The following KALRN variants were observed in gnomAD, a reference collection of about 807,000 sequenced individuals.
KALRN encodes kalirin RhoGEF kinase.
In KALRN, 70 loss-of-function variants were observed where a neutral mutation model predicts 353.7. The observed-to-expected ratio is 0.20, with a 90% CI of 0.16 to 0.24. The LOEUF (loss-of-function observed/expected upper bound fraction) is 0.24, where lower values mean the gene tolerates loss of function less well. KALRN is among the 10% of genes least tolerant of loss of function. The pLI is 1.00. For synonymous variants in KALRN, 1,391 were observed against 1,434.8 expected, an observed-to-expected ratio of 0.97 and a Z score of 0.69; for missense variants, 2,791 against 3,756.7, an observed-to-expected ratio of 0.74 and a Z score of 6.72.
chr3:124,640,245 A>G (rs1708317), intron 37 of KALRN, among the ~76,000 whole-genome samples: 35,638 of 150,970 alleles, frequency 0.24, 4,519 homozygotes, highest in East Asian at 0.47. Flanking sequence ...AACCATACAC[A>G]TCATGAGCTG....
rs548812900 is a variant in KALRN, at chr3:124,269,488, C to T, written c.969+233C>T. On this transcript the variant is annotated intron_variant, in intron 5 of 59. Transcript: ENST00000682506. ...ACTCATTTTAATCCTTTCAAGAGTC[C>T]TGAGAGGTAGATGTACTATTATAAT... 5.9e-5 allele frequency among the ~76,000 whole-genome samples: 9 copies of T among 152,114 alleles called. No individual in the cohort carries two copies. The South Asian group carries it at 1.2e-3, about 21-fold the overall frequency.
At chr3:124,146,711 C>G (rs2067380132) in intron 1 of KALRN, among the ~76,000 whole-genome samples, 1 of 151,796 alleles carries the variant, frequency 6.6e-6, no homozygotes, top group Admixed American at 6.6e-5. Flanking sequence ...AACCCCATCT[C>G]TACTAAAAAT....
chr3:124,450,528 A>AGATAAAAG (rs1433926559), intron 21 of KALRN, among the ~76,000 whole-genome samples: 1 of 151,934 alleles, frequency 6.6e-6, no homozygotes, highest in Non-Finnish European at 1.5e-5. Flanking sequence ...TAAACAGTTC[A>AGATAAAAG]GATAAAAGAT....
chr3:124,129,478 T>C (rs1287616248), intron 1 of KALRN, among the ~76,000 whole-genome samples: 1 of 152,048 alleles, frequency 6.6e-6, no homozygotes, highest in East Asian at 1.9e-4. Context: ...TCTTTAAGGG[T>C]GGTATGTTTT....
At chr3:124,223,025 G>C (rs953254690) in intron 1 of KALRN, among the ~76,000 whole-genome samples, 2 of 151,828 alleles carry the variant, frequency 1.3e-5, no homozygotes, top group African/African-American at 2.4e-5. Context: ...GGGTACCAAG[G>C]CTTTAGGACT....
At chr3:124,070,344 G>A (rs1236466946) in intron 1 of KALRN, among the ~76,000 whole-genome samples, 1 of 152,144 alleles carries the variant, frequency 6.6e-6, no homozygotes, top group African/African-American at 2.4e-5. Flanking sequence ...TACTTACCAG[G>A]TCCTTGCAGA....
chr3:124,098,785 T>C (rs2061631243), intron 1 of KALRN, among the ~76,000 whole-genome samples: 1 of 152,218 alleles, frequency 6.6e-6, no homozygotes, highest in South Asian at 2.1e-4. Flanking sequence ...GTCCACTAAT[T>C]TCTTTTATAA....
intron 1 of KALRN, among the ~76,000 whole-genome samples, chr3:124,140,153 C>T (rs1299087804): frequency 6.6e-6 from 1 of 152,140 alleles, no homozygotes; most frequent in Admixed American, 6.5e-5. Flanking sequence ...CAGTAGCCTA[C>T]CCAAATATGG....
intron 1 of KALRN, chr3:124,132,972 T>C (rs1171521701): frequency 6.5e-6 from 1 of 154,106 alleles, no homozygotes. Flanking sequence ...AGGCACTTAG[T>C]AGGTGATAGC....
chr3:124,638,270 T>C (rs1161647502), intron 37 of KALRN, among the ~76,000 whole-genome samples: 2 of 152,038 alleles, frequency 1.3e-5, no homozygotes, highest in Admixed American at 1.3e-4. Flanking sequence ...TCCCAGCATA[T>C]ACTATATGAA....
At chr3:124,270,730 G>A (rs753474168) in intron 5 of KALRN, among the ~76,000 whole-genome samples, 1 of 152,076 alleles carries the variant, frequency 6.6e-6, no homozygotes, top group Non-Finnish European at 1.5e-5. Flanking sequence ...CGAGTGATTA[G>A]ATGCCAAGGC....
chr3:124,698,610 AAC>A (rs2062173001), intron 55 of KALRN, among the ~76,000 whole-genome samples: 1 of 152,216 alleles, frequency 6.6e-6, no homozygotes, highest in Non-Finnish European at 1.5e-5. Context: ...AAAGTTAAGA[AAC>A]ACAAGATTAT....
intron 1 of KALRN, among the ~76,000 whole-genome samples, chr3:124,145,725 T>G (rs2067248788): frequency 6.6e-6 from 1 of 152,242 alleles, no homozygotes; most frequent in African/African-American, 2.4e-5. Flanking sequence ...CTTAAATGTT[T>G]ATCTGGTGAG....
chr3:124,243,968 A>G (rs564218790), intron 3 of KALRN, among the ~76,000 whole-genome samples: 156 of 152,222 alleles, frequency 1.0e-3, no homozygotes, highest in Non-Finnish European at 2.0e-3. Flanking sequence ...AGTTAGGGTT[A>G]GGGTTATGCT....
chr3:124,674,664 A>G lies in KALRN; in HGVS notation c.7193+50A>G, dbSNP rs76050999. On this transcript the variant is annotated intron_variant, in intron 49 of 59. Coordinates refer to ENST00000682506, the MANE Select transcript of KALRN (RefSeq NM_001388419.1). ...GGAGAGGAGTATGAGGATTAAAAAT[A>G]TTCAGAAACAAACAAAAGAACACAA... The G allele has an allele frequency of 4.7e-3, 6,944 of 1,474,600 alleles. 28 individuals carry two copies. Among genetic ancestry groups the G allele is most frequent in the Non-Finnish European group, 4.7e-3 (5,229 of 1,109,430 alleles). 91.3% of individuals were successfully genotyped at this position (1,474,600 alleles called of 1,614,324 possible).
At chr3:124,338,225 G>A (rs950243025) in intron 9 of KALRN, among the ~76,000 whole-genome samples, 2 of 152,076 alleles carry the variant, frequency 1.3e-5, no homozygotes, top group Non-Finnish European at 2.9e-5. Context: ...TAATTGTGAT[G>A]TTACAGTGTC....
In KALRN at chr3:124,329,958, C is replaced by T. The variant is rs768120788; in HGVS notation, c.1382C>T (p.Thr461Ile). Reference sequence around the variant, plus strand: ...GAGCTGGCAATCCACCACCACCAGACCTTGTATGAGCAGGTGACCCAAGCC... The same window carrying T: ...GAGCTGGCAATCCACCACCACCAGATCTTGTATGAGCAGGTGACCCAAGCC... ...DLELAIHHHQ[T>I]LYEQVTQAYT... is the part of the protein sequence containing the mutation. Residue 461 changes from threonine to isoleucine, a missense_variant, in exon 8 of 60, where the codon ACC (threonine) becomes ATC (isoleucine). By Grantham distance (89) the Thr-to-Ile change is moderately conservative. This residue lies in a region of KALRN where 366 missense variants were observed against 489.2 expected (regional missense o/e 0.75). Coordinates refer to ENST00000682506, the MANE Select transcript of KALRN (RefSeq NM_001388419.1). 2.5e-6 allele frequency: 4 copies of T among 1,613,728 alleles called. No individual in the cohort carries two copies. Among genetic ancestry groups the T allele is most frequent in the Non-Finnish European group, 3.4e-6 (4 of 1,179,894 alleles).
intron 5 of KALRN, among the ~76,000 whole-genome samples, chr3:124,276,285 C>T (rs1302343455): frequency 2.6e-5 from 4 of 152,134 alleles, no homozygotes; most frequent in African/African-American, 4.8e-5. Context: ...GTGCTTATTG[C>T]GTTTTGAGGT....
chr3:124,569,947 G>C (rs2073333565), intron 34 of KALRN, among the ~76,000 whole-genome samples: 1 of 152,202 alleles, frequency 6.6e-6, no homozygotes, highest in Non-Finnish European at 1.5e-5. Flanking sequence ...ACAGCAGGCT[G>C]AGCTTAGTCC....
Sources: gnomAD v4.1 joint callset for allele counts (sites outside exome capture counted in the v4.1 genomes callset) on GRCh38, gnomAD v4.1.1 for gene constraint, gnomAD v4.1.1 regional missense constraint, MANE v1.5 for transcripts, NCBI Gene and HGNC (gene_info 2026-07-23, HGNC 2026-07-21) for gene names.